The following PCDHGB2 variants were observed in gnomAD, a reference collection of about 807,000 sequenced individuals.
The protein encoded by PCDHGB2 is protocadherin gamma subfamily B, 2, also known as protocadherin gamma-B2.
Under a neutral mutation model 59.3 loss-of-function variants are expected in PCDHGB2, and 55 were observed. The observed-to-expected ratio is 0.93, with a 90% CI of 0.75 to 1.16. PCDHGB2 has a LOEUF of 1.16. Ranked by LOEUF, PCDHGB2 falls within the 50% of genes most tolerant of loss-of-function variation. The probability of loss-of-function intolerance (pLI) is 0.00; values close to 1 mark genes in which losing one functional copy is unlikely to be tolerated. For missense variants in PCDHGB2, 1,228 were observed against 1,198.5 expected, an observed-to-expected ratio of 1.02 and a Z score of -0.36; for synonymous variants, 516 against 512.0, an observed-to-expected ratio of 1.01 and a Z score of -0.11.
chr5:141,380,834 G>A (rs559775684), intron 1 of PCDHGB2, among the ~76,000 whole-genome samples: 114 of 152,272 alleles, frequency 7.5e-4, no homozygotes, highest in Admixed American at 3.9e-3. Flanking sequence ...TGAGGCATCA[G>A]GTAAAAATGG....
chr5:141,376,675 CG>C (rs1228548126), intron 1 of PCDHGB2: 139 of 345,036 alleles, frequency 4.0e-4, no homozygotes, highest in South Asian at 5.8e-4. Context: ...GTGAGGGTAT[CG>C]TTTTTTTTTT....
rs1284566770 is a variant in PCDHGB2 at position 141,361,866 on chromosome 5, G to A, written c.1731G>A (p.Met577Ile). The A allele has an allele frequency of 6.2e-7, 1 of 1,611,706 alleles. No individual in the cohort carries two copies. The highest frequency in any genetic ancestry group is 2.2e-5 in the East Asian group (1 of 44,864). Residue 577 changes from methionine to isoleucine, a missense_variant, in exon 1 of 4, where the codon ATG becomes ATA. Transcript: ENST00000522605. ...CTGATGGCTCCGCCCTCTTCGATAT[G>A]GTGCCACGCGCCGCAGAGCCCGGCT... ...LGPDGSALFD[M>I]VPRAAEPGYL...
intron 1 of PCDHGB2, chr5:141,372,687 T>G: frequency 6.2e-7 from 1 of 1,614,018 alleles, no homozygotes. Flanking sequence ...AAACACCGAG[T>G]TTAAATTTCT....
Position 141,372,427 on chromosome 5 carries a change from G to A in PCDHGB2, c.2421+9871G>A. On this transcript the variant is annotated intron_variant, in intron 1 of 3. Coordinates refer to ENST00000522605, the MANE Select transcript of PCDHGB2 (RefSeq NM_018923.3). ...GAGATACAACCTGACCTTAGCGACC[G>A]CCCCACTCCCTCTGACCCTCAGGCG... 6.2e-7 allele frequency: 1 copy of A among 1,613,990 alleles called. No homozygotes were observed. The highest frequency in any genetic ancestry group is 8.5e-7 in the Non-Finnish European group (1 of 1,179,882).
chr5:141,456,800 TA>T (rs1038857337), intron 1 of PCDHGB2, among the ~76,000 whole-genome samples: 2 of 151,846 alleles, frequency 1.3e-5, no homozygotes, highest in African/African-American at 4.8e-5. Flanking sequence ...CCATCTCTAC[TA>T]AAAATACAAA....
chr5:141,509,255 T>A (rs1434555633), intron 3 of PCDHGB2, among the ~76,000 whole-genome samples: 1 of 152,158 alleles, frequency 6.6e-6, no homozygotes, highest in African/African-American at 2.4e-5. Flanking sequence ...CCTCTCCGGC[T>A]TTAGTCACTC....
chr5:141,419,361 T>C, intron 1 of PCDHGB2: 1 of 1,613,794 alleles, frequency 6.2e-7, no homozygotes, highest in Non-Finnish European at 8.5e-7. Context: ...TCACGAACGC[T>C]GTCGTCCTAC....
At chr5:141,478,545 A>C in intron 1 of PCDHGB2, 1 of 1,605,606 alleles carries the variant, frequency 6.2e-7, no homozygotes, top group Non-Finnish European at 8.5e-7. Flanking sequence ...CCTCCCGGAC[A>C]GGTAAGGTTT....
chr5:141,389,836 C>T (rs1471068729), intron 1 of PCDHGB2: 2 of 1,613,874 alleles, frequency 1.2e-6, no homozygotes, highest in Non-Finnish European at 1.7e-6. Context: ...GGACAGCCAC[C>T]ACTCTCGGCC....
chr5:141,478,244 T>C lies in PCDHGB2; in HGVS notation c.2422-16563T>C, dbSNP rs758993366. ...TTCTGTGGGGTTTGTGGTCACAGTG[T>C]TCGGAGTAATCATATTCAAAGTTTA... On this transcript the variant is annotated intron_variant, in intron 1 of 3. Coordinates refer to ENST00000522605, the MANE Select transcript of PCDHGB2 (RefSeq NM_018923.3). 5 of 1,614,132 alleles carry C rather than the reference T, an allele frequency of 3.1e-6. No individual in the cohort carries two copies. In the South Asian group the frequency reaches 4.4e-5, roughly 14 times the overall value.
intron 1 of PCDHGB2, chr5:141,400,280 CCG>C (rs769084717): frequency 1.2e-5 from 19 of 1,613,948 alleles, no homozygotes; most frequent in Non-Finnish European, 1.4e-5. Context: ...TCCAGCCCTG[CCG>C]CCTGGAGCTG....
intron 3 of PCDHGB2, 110 bp from the exon 4 acceptor site, chr5:141,510,837 G>A (rs969654751): frequency 1.3e-6 from 2 of 1,586,392 alleles, no homozygotes; most frequent in Non-Finnish European, 8.6e-7. Context: ...GCTCAGCGTG[G>A]TCAAGGCCCA....
intron 1 of PCDHGB2, chr5:141,413,689 C>A: frequency 1.2e-6 from 2 of 1,613,800 alleles, no homozygotes; most frequent in Non-Finnish European, 1.7e-6. Flanking sequence ...GAACTCCCTG[C>A]AGAGCTATCA....
In PCDHGB2 at chr5:141,489,461, A is replaced by G. The variant is rs1329676538; in HGVS notation, c.2422-5346A>G. 5.0e-6 allele frequency: 8 copies of G among 1,613,832 alleles called. No homozygotes were observed. The highest frequency in any genetic ancestry group is 6.8e-6 in the Non-Finnish European group (8 of 1,179,986). On this transcript the variant is annotated intron_variant, in intron 1 of 3. Transcript: ENST00000522605. This position sits in a 1 kb window ranked among gnomAD's most constrained non-coding sequence, Gnocchi z 4.5. ...TTGGGCTCTGAGGAGAATGGGCGCT[A>G]TTTTTCCCTGAGCTTGATGAGTGGT...
At chr5:141,479,063 A>G (rs1476826751) in intron 1 of PCDHGB2, among the ~76,000 whole-genome samples, 1 of 152,204 alleles carries the variant, frequency 6.6e-6, no homozygotes, top group African/African-American at 2.4e-5. Context: ...ATAATTTTTT[A>G]TGAATGAAAT....
intron 1 of PCDHGB2, chr5:141,478,585 T>A (rs1474599564): frequency 1.3e-5 from 20 of 1,576,728 alleles, no homozygotes; most frequent in Non-Finnish European, 1.7e-5. Flanking sequence ...TGTTAGTGCT[T>A]TTTTATTCCT....
rs1453419469 is a variant in PCDHGB2, at chr5:141,505,501, G to A, written c.2569+20G>A. On this transcript the variant is annotated intron_variant, in intron 3 of 3. Transcript: ENST00000522605. ...CCAGTGGTAAGTGGTGTCAGTGTGT[G>A]TATGGAAGAGTGGGAGACCTGGGGT... The A allele has an allele frequency of 1.2e-6, 2 of 1,614,156 alleles. No homozygotes were observed. Among genetic ancestry groups the A allele is most frequent in the Non-Finnish European group, 1.7e-6 (2 of 1,179,970 alleles).
Position 141,441,798 on chromosome 5 carries a change from CGGGT to C in PCDHGB2, c.2422-53007_2422-53004del, listed in dbSNP as rs1242635625. 6.4e-4 allele frequency: 248 copies of C among 387,326 alleles called. 2 individuals are homozygous for C. The highest frequency in any genetic ancestry group is 4.8e-3 in the African/African-American group (220 of 46,120). 24.0% of individuals were successfully genotyped at this position (387,326 alleles called of 1,614,324 possible). A position where few individuals can be genotyped will look rare whatever the true frequency, so the allele number is the denominator to read the frequency against. ...GGACGACCTGAATGACAACGCACCG[CGGGT>C]GCTGTACCCCAGCTCTGGAGCGCAA... On this transcript the variant is annotated intron_variant, in intron 1 of 3. Transcript: ENST00000522605.
At chr5:141,388,333 C>G (rs962073146) in intron 1 of PCDHGB2, 1 of 1,613,738 alleles carries the variant, frequency 6.2e-7, no homozygotes, top group African/African-American at 1.3e-5. Flanking sequence ...CAGCCTGGCA[C>G]ACGATTTATA....
Sources: allele counts gnomAD v4.1 joint callset (sites outside exome capture counted in the v4.1 genomes callset), GRCh38; gene constraint gnomAD v4.1.1; non-coding constraint Gnocchi (gnomAD v3.1); transcripts MANE v1.5; gene names NCBI Gene and HGNC (gene_info 2026-07-23, HGNC 2026-07-21).